Variants in AGTPBP1 observed in about 807,000 individuals in gnomAD.
AGTPBP1 encodes ATP/GTP binding carboxypeptidase 1.
A neutral mutation model predicts 143.9 loss-of-function variants in AGTPBP1; 70 were observed. That is an observed-to-expected ratio of 0.49 (90% CI 0.40 to 0.59). AGTPBP1 has a LOEUF of 0.59. AGTPBP1 is among the 20% of genes least tolerant of loss of function. The probability of loss-of-function intolerance (pLI) is 0.00; values close to 1 mark genes in which losing one functional copy is unlikely to be tolerated. For synonymous variants in AGTPBP1, 463 were observed against 500.2 expected (o/e 0.93, Z 0.99); for missense variants, 1,229 against 1,464.5 (o/e 0.84, Z 2.62).
At chr9:85,671,347 T>C (rs1377399449) in intron 7 of AGTPBP1, among the ~76,000 whole-genome samples, 1 of 152,176 alleles carries the variant, frequency 6.6e-6, no homozygotes, top group Admixed American at 6.5e-5. Context: ...ATTTCTTGAC[T>C]TTACTGGTGT....
intron 4 of AGTPBP1, among the ~76,000 whole-genome samples, chr9:85,679,875 T>G (rs1029896782): frequency 6.6e-6 from 1 of 152,202 alleles, no homozygotes; most frequent in African/African-American, 2.4e-5. Context: ...AAAGCCTTCT[T>G]TGTTGTAAGA....
At chr9:85,591,289 G>T (rs1054149704) in intron 19 of AGTPBP1, among the ~76,000 whole-genome samples, 1 of 151,916 alleles carries the variant, frequency 6.6e-6, no homozygotes, top group African/African-American at 2.4e-5. Flanking sequence ...TTTTAAGCAG[G>T]GTATTTTATG....
At chr9:85,628,299 C>T (rs751126646) in intron 14 of AGTPBP1, among the ~76,000 whole-genome samples, 1 of 152,122 alleles carries the variant, frequency 6.6e-6, no homozygotes, top group African/African-American at 2.4e-5. Flanking sequence ...TATGGTTATA[C>T]TCTCCTGCTG....
intron 19 of AGTPBP1, among the ~76,000 whole-genome samples, chr9:85,592,179 A>G (rs184902966): frequency 6.6e-6 from 1 of 152,076 alleles, no homozygotes; most frequent in African/African-American, 2.4e-5. Flanking sequence ...CCTGGTTAAA[A>G]ATTGTAAATC....
At chr9:85,635,568 G>A (rs1831983560) in intron 13 of AGTPBP1, among the ~76,000 whole-genome samples, 1 of 152,084 alleles carries the variant, frequency 6.6e-6, no homozygotes, top group Admixed American at 6.6e-5. Context: ...TTGTCATTAA[G>A]TGGATAAGAA....
At chr9:85,674,937 C>A (rs1420303271) in intron 6 of AGTPBP1, among the ~76,000 whole-genome samples, 1 of 152,032 alleles carries the variant, frequency 6.6e-6, no homozygotes, top group South Asian at 2.1e-4. Context: ...CGCTCTGTCA[C>A]CCAAGCTGGA....
At chr9:85,625,627 G>A (rs1587765573) in intron 14 of AGTPBP1, among the ~76,000 whole-genome samples, 1 of 151,382 alleles carries the variant, frequency 6.6e-6, no homozygotes, top group Non-Finnish European at 1.5e-5. Flanking sequence ...GGCTCACACC[G>A]GTAATTCCAG....
chr9:85,753,798 ATAG>A, the AGTPBP1 span, among the ~76,000 whole-genome samples: 1 of 151,296 alleles, frequency 6.6e-6, no homozygotes, highest in Non-Finnish European at 1.5e-5. Context: ...AGATAGATAG[ATAG>A]ATAGATGTAA....
intron 3 of AGTPBP1, 135 bp downstream of exon 3, chr9:85,692,554 G>A: frequency 2.8e-6 from 3 of 1,077,560 alleles, no homozygotes; most frequent in Non-Finnish European, 3.9e-6. Flanking sequence ...GATTACAGGT[G>A]TGAGCCACCA....
chr9:85,688,242 A>T (rs1835623450), intron 3 of AGTPBP1, among the ~76,000 whole-genome samples: 1 of 152,162 alleles, frequency 6.6e-6, no homozygotes, highest in South Asian at 2.1e-4. Flanking sequence ...TTCTTTAAAA[A>T]TATCAACAAA....
upstream of AGTPBP1, among the ~76,000 whole-genome samples, chr9:85,744,185 C>T (rs939774441): frequency 2.0e-5 from 3 of 152,068 alleles, no homozygotes; most frequent in African/African-American, 7.2e-5. Context: ...CCTGCCTTAG[C>T]CTCCCAAAAT....
the AGTPBP1 span, among the ~76,000 whole-genome samples, chr9:85,752,951 C>T: frequency 6.6e-6 from 1 of 151,958 alleles, no homozygotes; most frequent in South Asian, 2.1e-4. Flanking sequence ...GGAGCCTGAG[C>T]TTACAGTGAG....
the AGTPBP1 span, among the ~76,000 whole-genome samples, chr9:85,757,848 C>T: frequency 6.6e-6 from 1 of 152,218 alleles, no homozygotes; most frequent in East Asian, 1.9e-4. Context: ...CACTCTGGGA[C>T]CGATTTATTT....
the AGTPBP1 span, among the ~76,000 whole-genome samples, chr9:85,753,581 G>A: frequency 3.9e-3 from 587 of 152,074 alleles, 1 homozygote; most frequent in African/African-American, 0.013. Context: ...GTAAAACCCC[G>A]TCTCTACTAA....
At chr9:85,648,095 TC>T (rs1308801748) in intron 11 of AGTPBP1, among the ~76,000 whole-genome samples, 2 of 152,206 alleles carry the variant, frequency 1.3e-5, no homozygotes, top group East Asian at 3.8e-4. Context: ...TGAATTCAAA[TC>T]CTAGCTCCCG....
At chr9:85,777,335 T>C in the AGTPBP1 span, among the ~76,000 whole-genome samples, 1 of 152,214 alleles carries the variant, frequency 6.6e-6, no homozygotes, top group African/African-American at 2.4e-5. Context: ...AGAGGTCCAA[T>C]ATAATCAACC....
intron 8 of AGTPBP1, among the ~76,000 whole-genome samples, chr9:85,661,359 CA>C (rs1443713148): frequency 6.6e-6 from 1 of 152,046 alleles, no homozygotes; most frequent in Non-Finnish European, 1.5e-5. Flanking sequence ...GAATTAAAAA[CA>C]AATCTTAACA....
At chr9:85,630,347 G>A (rs1003116164) in intron 14 of AGTPBP1, among the ~76,000 whole-genome samples, 5 of 151,608 alleles carry the variant, frequency 3.3e-5, no homozygotes, top group South Asian at 4.2e-4. Context: ...CTATCCCCCA[G>A]GATCAATTTA....
At chr9:85,800,007 C>T in the AGTPBP1 span, among the ~76,000 whole-genome samples, 2 of 152,148 alleles carry the variant, frequency 1.3e-5, no homozygotes, top group African/African-American at 2.4e-5. Context: ...CCCTAAGAAG[C>T]TTCCAGTCTC....
Sources: allele counts gnomAD v4.1 joint callset (sites outside exome capture counted in the v4.1 genomes callset), GRCh38; gene constraint gnomAD v4.1.1; transcripts MANE v1.5; gene names NCBI Gene and HGNC (gene_info 2026-07-23, HGNC 2026-07-21).